Variants in LIPH observed in about 807,000 individuals in gnomAD.
The protein encoded by LIPH is lipase H.
In LIPH, 32 loss-of-function variants were observed where a neutral mutation model predicts 47.6. That is an observed-to-expected ratio of 0.67 (90% confidence interval 0.51 to 0.90). The LOEUF is 0.90. Among genes scored for constraint, LIPH ranks in the 40% least tolerant of loss-of-function variants. The probability of loss-of-function intolerance (pLI) is 0.00; values close to 1 mark genes in which losing one functional copy is unlikely to be tolerated. For missense variants in LIPH, 497 were observed against 541.4 expected (o/e 0.92, Z 0.81); for synonymous variants, 190 against 195.6 (o/e 0.97, Z 0.24).
chr3:185,549,743 G>A (rs1430255416), intron 1 of LIPH, among the ~76,000 whole-genome samples: 1 of 152,106 alleles, frequency 6.6e-6, no homozygotes, highest in South Asian at 2.1e-4. Flanking sequence ...AAGTGCAGTG[G>A]CTACTCAGAG....
intron 1 of LIPH, among the ~76,000 whole-genome samples, chr3:185,551,229 A>G (rs1177982814): frequency 6.6e-6 from 1 of 152,236 alleles, no homozygotes; most frequent in Non-Finnish European, 1.5e-5. Flanking sequence ...GTTCTCAGTT[A>G]AAAATATCAT....
chr3:185,531,358 G>A (rs1443930824), intron 3 of LIPH, among the ~76,000 whole-genome samples: 1 of 151,952 alleles, frequency 6.6e-6, no homozygotes, highest in Non-Finnish European at 1.5e-5. Context: ...ACCAGCCTGG[G>A]CAACATGGCG....
intron 7 of LIPH, among the ~76,000 whole-genome samples, chr3:185,515,745 G>A (rs1437488515): frequency 2.0e-5 from 3 of 152,104 alleles, no homozygotes; most frequent in African/African-American, 7.2e-5. Context: ...TGGCCAGGCT[G>A]GTCTCAAACT....
intron 4 of LIPH, among the ~76,000 whole-genome samples, chr3:185,526,425 G>A (rs773900355): frequency 6.6e-6 from 1 of 151,548 alleles, no homozygotes; most frequent in African/African-American, 2.4e-5. Flanking sequence ...GGAGGCTGGG[G>A]CAGGAGAATT....
intron 4 of LIPH, 123 bp from the exon 5 acceptor site, chr3:185,524,283 A>G (rs1485315349): frequency 7.2e-6 from 5 of 689,972 alleles, no homozygotes; most frequent in African/African-American, 3.6e-5. Flanking sequence ...TGTTATACCT[A>G]TGTAAGAGTT....
rs6798754 is a variant in LIPH at position 185,524,796 on chromosome 3, T to C, written c.629-636A>G. Among the ~76,000 whole-genome samples, 367 of 152,324 alleles carry C rather than the reference T, an allele frequency of 2.4e-3. 1 individual carries two copies. The highest frequency in any genetic ancestry group is 8.4e-3 in the African/African-American group (349 of 41,578). On this transcript the variant is annotated intron_variant, in intron 4 of 9. Coordinates refer to ENST00000296252, the MANE Select transcript of LIPH (RefSeq NM_139248.3). ...TGCAACCCTTTAATTGCCTGGTGCT[T>C]CTGAGCCTCTATTTGCATTTGTATA...
intron 5 of LIPH, among the ~76,000 whole-genome samples, chr3:185,522,348 T>C (rs528416673): frequency 1.3e-5 from 2 of 152,148 alleles, no homozygotes. Context: ...ATTCTCAGGG[T>C]ATGCTGACGT....
intron 5 of LIPH, among the ~76,000 whole-genome samples, chr3:185,519,836 C>CAAA (rs145391972): frequency 4.8e-4 from 26 of 53,828 alleles, no homozygotes; most frequent in African/African-American, 2.1e-3. Context: ...CACTCCATCT[C>CAAA]AAAAAAAAAA....
chr3:185,537,722 G>A (rs1194665939), intron 1 of LIPH, among the ~76,000 whole-genome samples: 2 of 152,084 alleles, frequency 1.3e-5, no homozygotes, highest in African/African-American at 4.8e-5. Flanking sequence ...GCCCAAGAGA[G>A]GAATCCTGGG....
intron 3 of LIPH, among the ~76,000 whole-genome samples, chr3:185,529,701 G>T (rs1187238275): frequency 6.6e-6 from 1 of 150,404 alleles, no homozygotes; most frequent in Non-Finnish European, 1.5e-5. Flanking sequence ...ACCAGCCTGG[G>T]CAACATACGG....
Position 185,513,831 on chromosome 3 carries a change from G to C in LIPH, c.1094+579C>G, listed in dbSNP as rs191160476. Among the ~76,000 whole-genome samples, 7 of 152,260 alleles carry C rather than the reference G, an allele frequency of 4.6e-5. No homozygotes were observed. In the East Asian group the frequency reaches 1.2e-3, roughly 25 times the overall value. ...CGAGGCGGGCAGATCATGAAGTCAG[G>C]AGTTTGAGACCAGCCTGGCCAGCAC... On this transcript the variant is annotated intron_variant, in intron 8 of 9. Coordinates refer to ENST00000296252, the MANE Select transcript of LIPH (RefSeq NM_139248.3).
intron 1 of LIPH, among the ~76,000 whole-genome samples, chr3:185,547,889 A>G (rs1560173872): frequency 6.6e-6 from 1 of 152,112 alleles, no homozygotes; most frequent in East Asian, 1.9e-4. Context: ...AAAGATTAAC[A>G]GATACATTTT....
rs748765750 is a variant in LIPH at position 185,534,750 on chromosome 3, A to C, written c.417+15T>G. 3 of 1,612,844 alleles carry C rather than the reference A, an allele frequency of 1.9e-6. No homozygotes were observed. The highest frequency in any genetic ancestry group is 2.5e-6 in the Non-Finnish European group (3 of 1,179,942). On this transcript the variant is annotated intron_variant, in intron 2 of 9. Transcript: ENST00000296252. ...TTTCAACTTAGCTCTGAATCATCTA[A>C]GAGAATTCTCTTACCAACATCTGGT... is the stretch of plus-strand genomic sequence containing the variant.
At chr3:185,521,579 C>G (rs1294727915) in intron 5 of LIPH, among the ~76,000 whole-genome samples, 9 of 152,198 alleles carry the variant, frequency 5.9e-5, no homozygotes, top group Non-Finnish European at 1.3e-4. Flanking sequence ...GCAACGGGGC[C>G]TGGCACTGCA....
At chr3:185,532,108 C>G (rs1156674914) in intron 3 of LIPH, among the ~76,000 whole-genome samples, 1 of 152,166 alleles carries the variant, frequency 6.6e-6, no homozygotes, top group East Asian at 1.9e-4. Flanking sequence ...GATGAAAATT[C>G]TGGACCCCTC....
At position 185,511,658 on chromosome 3, in the gene LIPH, T is replaced by C. The variant is rs1395032859; in HGVS notation, c.1134A>G (p.Leu378=). ...CCAGATCTTGATTAAATCTTGCAAGTAGACTCACTTGGTGATATTTCTGAA... is the reference window on the plus strand; with the variant it reads ...CCAGATCTTGATTAAATCTTGCAAGCAGACTCACTTGGTGATATTTCTGAA... The part of the protein sequence containing the change: ...TTFQKYHQVS[L]LARFNQDLDK... Residue 378 remains leucine (L), a synonymous_variant, in exon 9 of 10, where the codon CTA becomes CTG. Coordinates refer to ENST00000296252, the MANE Select transcript of LIPH (RefSeq NM_139248.3). The C allele has an allele frequency of 6.2e-6, 10 of 1,612,746 alleles. No homozygotes were observed. Among genetic ancestry groups the C allele is most frequent in the Non-Finnish European group, 8.5e-6 (10 of 1,178,780 alleles).
intron 1 of LIPH, among the ~76,000 whole-genome samples, chr3:185,541,919 G>A (rs1720726450): frequency 6.6e-6 from 1 of 151,600 alleles, no homozygotes. Flanking sequence ...ACCACACCTG[G>A]CTAATTTTTG....
rs187545174 is a variant in LIPH at position 185,509,203 on chromosome 3, A to G, written c.1269-326T>C. On this transcript the variant is annotated intron_variant, in intron 9 of 9. Transcript: ENST00000296252. ...CTACTCAGGAGGCTAAGGCAGTACTAGAGCCCAGGAGGTGGAGGTTGCAGT... is the reference window on the plus strand; with the variant it reads ...CTACTCAGGAGGCTAAGGCAGTACTGGAGCCCAGGAGGTGGAGGTTGCAGT... 1.8e-3 allele frequency among the ~76,000 whole-genome samples: 271 copies of G among 152,186 alleles called. 1 individual carries two copies. Among genetic ancestry groups the G allele is most frequent in the Non-Finnish European group, 1.9e-3 (128 of 68,006 alleles).
In LIPH at chr3:185,508,694, CT is replaced by C. The variant is rs775236306; in HGVS notation, c.*95del. The C allele has an allele frequency of 7.8e-6, 7 of 901,798 alleles. No homozygotes were observed. The highest frequency in any genetic ancestry group is 1.3e-5 in the Non-Finnish European group (7 of 539,680). 55.9% of individuals were successfully genotyped at this position (901,798 alleles called of 1,614,324 possible). On this transcript the variant is annotated 3_prime_UTR_variant, in exon 10 of 10. Coordinates refer to ENST00000296252, the MANE Select transcript of LIPH (RefSeq NM_139248.3). ...GAAAAAAGCCTTGGTTTTTTTCATA[CT>C]TTTTCTGCCTTGCAGAAAGGTGAGG... is the stretch of plus-strand genomic sequence containing the variant.
Sources: allele counts gnomAD v4.1 joint callset (sites outside exome capture counted in the v4.1 genomes callset), GRCh38; gene constraint gnomAD v4.1.1; transcripts MANE v1.5; gene names NCBI Gene and HGNC (gene_info 2026-07-23, HGNC 2026-07-21).